The following PAX3 variants were observed in gnomAD, a reference collection of about 807,000 sequenced individuals.
PAX3 encodes the protein paired box 3.
A neutral mutation model predicts 51.6 loss-of-function variants in PAX3; 14 were observed. The ratio of observed to expected loss-of-function variants is 0.27; its 90% CI spans 0.18 to 0.42. The LOEUF is 0.42. Among genes scored for constraint, PAX3 ranks in the 10% least tolerant of loss-of-function variants. The pLI is 1.00. For synonymous variants in PAX3, 280 were observed against 253.4 expected, an observed-to-expected ratio of 1.11 and a Z score of -1.00; for missense variants, 540 against 642.8, an observed-to-expected ratio of 0.84 and a Z score of 1.73.
At chr2:222,284,614 TG>T (rs1357850566) in intron 4 of PAX3, among the ~76,000 whole-genome samples, 2 of 1,702 alleles carry the variant, frequency 1.2e-3, no homozygotes, top group Admixed American at 0.013. Context: ...TCTGTGTGCG[TG>T]TGTGTGTGTG....
At chr2:222,247,992 A>G (rs915861104) in intron 4 of PAX3, among the ~76,000 whole-genome samples, 12 of 152,162 alleles carry the variant, frequency 7.9e-5, no homozygotes, top group African/African-American at 2.9e-4. Context: ...CGGGTCAATT[A>G]CATGTCAGAG....
At chr2:222,268,716 A>G (rs45451597) in intron 4 of PAX3, among the ~76,000 whole-genome samples, 14,640 of 152,138 alleles carry the variant, frequency 0.096, 916 homozygotes, top group East Asian at 0.33. Flanking sequence ...CTCAACGAGA[A>G]CTTTCCTAGA....
At chr2:222,220,590 G>A (rs1393654088) in intron 6 of PAX3, among the ~76,000 whole-genome samples, 1 of 152,134 alleles carries the variant, frequency 6.6e-6, no homozygotes, top group South Asian at 2.1e-4. Context: ...GGCTCACCCA[G>A]AATACTAATG....
intron 4 of PAX3, among the ~76,000 whole-genome samples, chr2:222,268,189 C>G (rs1200914618): frequency 6.6e-6 from 1 of 152,162 alleles, no homozygotes; most frequent in Non-Finnish European, 1.5e-5. Context: ...TCTTTAAAGG[C>G]TGGTCATGTT....
At chr2:222,251,702 T>C in intron 4 of PAX3, among the ~76,000 whole-genome samples, 1 of 152,188 alleles carries the variant, frequency 6.6e-6, no homozygotes, top group Non-Finnish European at 1.5e-5. Context: ...TCCACAATGG[T>C]TGAACTAGTT....
At position 222,201,318 on chromosome 2, in the gene PAX3, A is replaced by G; in HGVS notation, c.*90T>C. Reference sequence around the variant, plus strand: ...GCCCCACCCCCCCCAACAAAAGGGTAATTTTTTTTTGTTTTCAGAGCAGAT... The same window carrying G: ...GCCCCACCCCCCCCAACAAAAGGGTGATTTTTTTTTGTTTTCAGAGCAGAT... On this transcript the variant is annotated 3_prime_UTR_variant, in exon 9 of 9. Coordinates refer to ENST00000392070, the MANE Select transcript of PAX3 (RefSeq NM_181458.4). The G allele has an allele frequency of 6.3e-7, 1 of 1,588,650 alleles. No individual in the cohort carries two copies. Among genetic ancestry groups the G allele is most frequent in the South Asian group, 1.1e-5 (1 of 90,400 alleles).
At chr2:222,250,379 T>A (rs1039433991) in intron 4 of PAX3, among the ~76,000 whole-genome samples, 9 of 152,082 alleles carry the variant, frequency 5.9e-5, no homozygotes, top group African/African-American at 2.2e-4. Flanking sequence ...ATGTATAATC[T>A]TTTTGTCCCT....
At chr2:222,212,983 A>G (rs1224116868) in intron 7 of PAX3, among the ~76,000 whole-genome samples, 3 of 152,214 alleles carry the variant, frequency 2.0e-5, no homozygotes, top group African/African-American at 4.8e-5. Flanking sequence ...AAATGGGACT[A>G]AAAAAGAAAA....
chr2:222,249,940 G>A (rs1024985832), intron 4 of PAX3, among the ~76,000 whole-genome samples: 7 of 152,120 alleles, frequency 4.6e-5, no homozygotes, highest in African/African-American at 1.7e-4. Context: ...TAGGAGAATA[G>A]GGTTTCTTTC....
chr2:222,285,478 A>G (rs1319168464), intron 4 of PAX3, among the ~76,000 whole-genome samples: 4 of 152,228 alleles, frequency 2.6e-5, no homozygotes, highest in Non-Finnish European at 5.9e-5. Flanking sequence ...GATATGTTTA[A>G]AAGTCATTTT....
rs778669266 is a variant in PAX3, at chr2:222,202,053, C to T, written c.1311G>A (p.Lys437=). ...ASCSQRLDHM[K]SLDSLPTSQS... ...GAGATGTTGGCAGACTGTCCAAGCTCTTCATATGGTCTAGTCTCTGACTGC... is the reference window on the plus strand; with the variant it reads ...GAGATGTTGGCAGACTGTCCAAGCTTTTCATATGGTCTAGTCTCTGACTGC... The change falls in exon 8 of 9, where the codon AAG becomes AAA. Residue 437 remains lysine (K), a synonymous_variant. Transcript: ENST00000392070. 1 of 1,614,026 alleles carries T rather than the reference C, an allele frequency of 6.2e-7. No homozygotes were observed.
intron 7 of PAX3, among the ~76,000 whole-genome samples, chr2:222,213,540 A>C (rs1428228562): frequency 6.6e-6 from 1 of 152,164 alleles, no homozygotes; most frequent in African/African-American, 2.4e-5. Flanking sequence ...ATCAGCACAC[A>C]AACTGCTTTA....
At position 222,280,081 on chromosome 2, in the gene PAX3, C is replaced by T. The variant is rs56703482; in HGVS notation, c.586+14086G>A. Among the ~76,000 whole-genome samples, 526 of 151,952 alleles carry T rather than the reference C, an allele frequency of 3.5e-3. 4 individuals carry two copies. The highest frequency in any genetic ancestry group is 0.012 in the African/African-American group (506 of 41,440). On this transcript the variant is annotated intron_variant, in intron 4 of 8. Coordinates refer to ENST00000392070, the MANE Select transcript of PAX3 (RefSeq NM_181458.4). ...CAAAAATTAGCCAGACGAGGTGGTG[C>T]GCGCCTGTAATCCCAGCTACTCAGG...
intron 4 of PAX3, among the ~76,000 whole-genome samples, chr2:222,251,066 A>G (rs952519546): frequency 6.6e-6 from 1 of 152,136 alleles, no homozygotes; most frequent in Non-Finnish European, 1.5e-5. Context: ...AAGGGGGAAC[A>G]CTGTCAATAC....
At position 222,221,271 on chromosome 2, in the gene PAX3, T is replaced by C; in HGVS notation, c.909A>G (p.Pro303=). The C allele has an allele frequency of 1.4e-5, 23 of 1,614,052 alleles. No homozygotes were observed. The highest frequency in any genetic ancestry group is 1.9e-5 in the Non-Finnish European group (23 of 1,179,958). Reference sequence around the variant, plus strand: ...AAGAGGTCTCCGACAGCTGGTACGTTGGCAAGGTCGGCATGGCAGTGGGAG... The same window carrying C: ...AAGAGGTCTCCGACAGCTGGTACGTCGGCAAGGTCGGCATGGCAGTGGGAG... ...GFPPTAMPTL[P]TYQLSETSYQ... The change falls in exon 6 of 9, where the codon CCA becomes CCG. Residue 303 remains proline, a synonymous_variant. Coordinates refer to ENST00000392070, the MANE Select transcript of PAX3 (RefSeq NM_181458.4).
At chr2:222,229,119 T>A (rs1414443659) in intron 5 of PAX3, among the ~76,000 whole-genome samples, 1 of 151,814 alleles carries the variant, frequency 6.6e-6, no homozygotes, top group Admixed American at 6.6e-5. Flanking sequence ...ATTTGAAACA[T>A]ATTATTTATA....
chr2:222,227,075 T>C (rs981995562), intron 5 of PAX3, among the ~76,000 whole-genome samples: 1 of 151,946 alleles, frequency 6.6e-6, no homozygotes, highest in Non-Finnish European at 1.5e-5. Context: ...ATTAAAAAAA[T>C]TAAAAACCTG....
chr2:222,278,433 C>A (rs1694508128), intron 4 of PAX3, among the ~76,000 whole-genome samples: 1 of 152,232 alleles, frequency 6.6e-6, no homozygotes, highest in Non-Finnish European at 1.5e-5. Flanking sequence ...GACTTCTGCT[C>A]CTTGGGGAAG....
intron 4 of PAX3, among the ~76,000 whole-genome samples, chr2:222,272,221 G>A (rs16863633): frequency 0.04 from 6,098 of 152,286 alleles, 163 homozygotes; most frequent in Middle Eastern, 0.092. Context: ...GCAGCAAGCC[G>A]TTCTGAAATG....
Sources: gnomAD v4.1 joint callset for allele counts (sites outside exome capture counted in the v4.1 genomes callset) on GRCh38, gnomAD v4.1.1 for gene constraint, MANE v1.5 for transcripts, NCBI Gene and HGNC (gene_info 2026-07-23, HGNC 2026-07-21) for gene names.